Variants in ULK4 observed in about 807,000 individuals in gnomAD.
ULK4 encodes the protein inactive serine/threonine-protein kinase ULK4.
ULK4 carries 133 observed loss-of-function variants against 160.6 expected under a neutral mutation model. The observed-to-expected ratio is 0.83, with a 90% confidence interval of 0.72 to 0.96. The LOEUF is 0.96. Among genes scored for constraint, ULK4 ranks in the 40% least tolerant of loss-of-function variants. The pLI is 0.00. For synonymous variants in ULK4, 534 were observed against 539.8 expected, an observed-to-expected ratio of 0.99 and a Z score of 0.15; for missense variants, 1,580 against 1,499.5, an observed-to-expected ratio of 1.05 and a Z score of -0.89.
intron 35 of ULK4, among the ~76,000 whole-genome samples, chr3:41,317,161 C>T (rs1354830346): frequency 1.4e-5 from 2 of 147,354 alleles, no homozygotes; most frequent in East Asian, 2.0e-4. Context: ...CTGCAAGCTC[C>T]GCTTCCCGGG....
In ULK4 at chr3:41,412,618, T is replaced by C. The variant is rs2082432171; in HGVS notation, c.3493-14354A>G. 2.1e-5 allele frequency among the ~76,000 whole-genome samples: 3 copies of C among 145,686 alleles called. No homozygotes were observed. The Admixed American group carries it at 2.1e-4, about 10-fold the overall frequency. Reference sequence around the variant, plus strand: ...CTCTGTTGCCCAGGCTGGAGTGCAGTGTCGCAATCTCTGCTTAATGCAACC... The same window carrying C: ...CTCTGTTGCCCAGGCTGGAGTGCAGCGTCGCAATCTCTGCTTAATGCAACC... On this transcript the variant is annotated intron_variant, in intron 34 of 36. Coordinates refer to ENST00000301831, the MANE Select transcript of ULK4 (RefSeq NM_017886.4).
intron 19 of ULK4, among the ~76,000 whole-genome samples, chr3:41,814,020 G>A (rs1232514416): frequency 1.3e-5 from 2 of 152,126 alleles, no homozygotes; most frequent in Admixed American, 6.6e-5. Flanking sequence ...GGGGTAGACC[G>A]CTGCCAAAGA....
At chr3:41,645,517 A>C (rs553066395) in intron 30 of ULK4, among the ~76,000 whole-genome samples, 410 of 152,276 alleles carry the variant, frequency 2.7e-3, no homozygotes, top group African/African-American at 9.3e-3. Context: ...TGAGTTTCTT[A>C]ATCCTCAGTT....
chr3:41,710,078 A>C (rs1388767229), intron 25 of ULK4, among the ~76,000 whole-genome samples: 2 of 152,088 alleles, frequency 1.3e-5, no homozygotes, highest in South Asian at 2.1e-4. Context: ...CGACTTTTTA[A>C]CCACTCACAT....
intron 34 of ULK4, among the ~76,000 whole-genome samples, chr3:41,443,757 A>ACT (rs1559605760): frequency 2.0e-5 from 3 of 151,324 alleles, no homozygotes; most frequent in African/African-American, 7.3e-5. Flanking sequence ...ATTTTCAATA[A>ACT]ATATATTTTT....
chr3:41,864,807 T>G (rs1331923443), intron 17 of ULK4, among the ~76,000 whole-genome samples: 1 of 152,210 alleles, frequency 6.6e-6, no homozygotes, highest in Non-Finnish European at 1.5e-5. Context: ...CTTCCTTCTC[T>G]GATCTAAGAC....
At chr3:41,914,598 A>C (rs946180702) in intron 8 of ULK4, among the ~76,000 whole-genome samples, 3 of 152,234 alleles carry the variant, frequency 2.0e-5, no homozygotes, top group Non-Finnish European at 4.4e-5. Flanking sequence ...AAGTAAACCC[A>C]AAAAAATTTT....
At chr3:41,269,830 T>G (rs966742025) in intron 35 of ULK4, among the ~76,000 whole-genome samples, 1 of 152,188 alleles carries the variant, frequency 6.6e-6, no homozygotes, top group Non-Finnish European at 1.5e-5. Context: ...TACTTGCACA[T>G]GACTAATTAA....
intron 32 of ULK4, among the ~76,000 whole-genome samples, chr3:41,483,413 C>G (rs1469004975): frequency 6.6e-6 from 1 of 152,132 alleles, no homozygotes; most frequent in Non-Finnish European, 1.5e-5. Context: ...CCCATCCCCA[C>G]CTCATATGCA....
At chr3:41,715,641 G>GA in intron 23 of ULK4, 73 bp from the exon 24 acceptor site, 1 of 1,587,854 alleles carries the variant, frequency 6.3e-7, no homozygotes, top group Admixed American at 1.7e-5. Flanking sequence ...GTCATTGCTT[G>GA]AATACCCATG....
chr3:41,267,092 G>T (rs900911483), intron 35 of ULK4, among the ~76,000 whole-genome samples: 3 of 148,396 alleles, frequency 2.0e-5, no homozygotes, highest in Non-Finnish European at 4.5e-5. Flanking sequence ...CATGCAGGTT[G>T]GTTACATAGG....
chr3:41,927,673 A>AG (rs1699433162), intron 5 of ULK4, among the ~76,000 whole-genome samples: 1 of 100,352 alleles, frequency 1.0e-5, no homozygotes, highest in African/African-American at 3.0e-5. Context: ...ACAAATGGAA[A>AG]GCAAAAAAAA....
At chr3:41,658,735 A>ACACACACACACACACACACACTCT (rs1553628715) in intron 30 of ULK4, among the ~76,000 whole-genome samples, 6 of 131,448 alleles carry the variant, frequency 4.6e-5, no homozygotes, top group Admixed American at 2.2e-4. Flanking sequence ...CAGTACACAC[A>ACACACACACACACACACACACTCT]CACACACACA....
At chr3:41,478,659 C>T (rs1210690797) in intron 32 of ULK4, among the ~76,000 whole-genome samples, 1 of 152,132 alleles carries the variant, frequency 6.6e-6, no homozygotes, top group Non-Finnish European at 1.5e-5. Flanking sequence ...GGGATAAACT[C>T]AATTATAAAA....
chr3:41,873,300 C>T (rs17283243), intron 17 of ULK4, among the ~76,000 whole-genome samples: 18,674 of 146,748 alleles, frequency 0.13, 1,341 homozygotes, highest in Middle Eastern at 0.28. Context: ...CTCCATCTAA[C>T]TGCTTCAAGG....
intron 17 of ULK4, among the ~76,000 whole-genome samples, chr3:41,876,511 T>C (rs1300247464): frequency 1.3e-5 from 2 of 152,226 alleles, no homozygotes; most frequent in Non-Finnish European, 2.9e-5. Context: ...CAGTTTAGAT[T>C]ACCCCCTAAA....
At chr3:41,380,032 A>C (rs1464750388) in intron 35 of ULK4, among the ~76,000 whole-genome samples, 3 of 152,192 alleles carry the variant, frequency 2.0e-5, no homozygotes, top group Non-Finnish European at 4.4e-5. Context: ...CAAGTGAAGA[A>C]AAAAATTAAA....
At chr3:41,319,996 G>T (rs1289148498) in intron 35 of ULK4, among the ~76,000 whole-genome samples, 2 of 152,158 alleles carry the variant, frequency 1.3e-5, no homozygotes, top group Non-Finnish European at 2.9e-5. Flanking sequence ...GTTCAGTAGT[G>T]ATATAAATAT....
chr3:41,618,092 C>T (rs56805126), intron 30 of ULK4, among the ~76,000 whole-genome samples: 8,846 of 151,952 alleles, frequency 0.058, 868 homozygotes, highest in African/African-American at 0.2. Context: ...GGAAAAGGAA[C>T]GAACAAAGCC....
Sources: allele counts gnomAD v4.1 joint callset (sites outside exome capture counted in the v4.1 genomes callset), GRCh38; gene constraint gnomAD v4.1.1; transcripts MANE v1.5; gene names NCBI Gene and HGNC (gene_info 2026-07-23, HGNC 2026-07-21).